Variants in PKD1L3 observed in about 807,000 individuals in gnomAD.
PKD1L3 encodes the protein polycystin 1 like 3, transient receptor potential channel interacting.
In PKD1L3, 239 loss-of-function variants were observed where a neutral mutation model predicts 184.1. The ratio of observed to expected loss-of-function variants is 1.30; its 90% CI spans 1.17 to 1.45. The LOEUF (loss-of-function observed/expected upper bound fraction) is 1.45, where lower values mean the gene tolerates loss of function less well. Among genes scored for constraint, PKD1L3 ranks in the 40% most tolerant of loss-of-function variants. PKD1L3 has a pLI of 0.00. For missense variants in PKD1L3, 2,660 were observed against 2,067.2 expected, an observed-to-expected ratio of 1.29 and a Z score of -5.56; for synonymous variants, 996 against 778.8, an observed-to-expected ratio of 1.28 and a Z score of -4.64.
chr16:71,947,012 T>C (rs1301907054), intron 22 of PKD1L3, among the ~76,000 whole-genome samples: 1 of 151,002 alleles, frequency 6.6e-6, no homozygotes, highest in Non-Finnish European at 1.5e-5. Flanking sequence ...ATCCCAGCAC[T>C]TGGGAGGCCG....
At chr16:71,994,566 A>T (rs1465755469) in intron 2 of PKD1L3, among the ~76,000 whole-genome samples, 1 of 152,156 alleles carries the variant, frequency 6.6e-6, no homozygotes, top group Non-Finnish European at 1.5e-5. Context: ...AAAAAAACCC[A>T]GCAACTTATA....
Position 71,967,892 on chromosome 16 carries a change from T to C in PKD1L3, c.2286+14A>G. 6.5e-7 allele frequency: 1 copy of C among 1,541,210 alleles called. No individual in the cohort carries two copies. The highest frequency in any genetic ancestry group is 1.2e-5 in the South Asian group (1 of 83,586). On this transcript the variant is annotated intron_variant, in intron 14 of 29. Transcript: ENST00000620267. ...AAGACACAAGGCAATGTGAAAAACA[T>C]TTATTTCATTAACCTTAGCTGTTGT...
chr16:71,934,633 GGTTTT>G (rs1311588399), intron 26 of PKD1L3, among the ~76,000 whole-genome samples: 2 of 152,182 alleles, frequency 1.3e-5, no homozygotes, highest in East Asian at 1.9e-4. Flanking sequence ...TTAGCAATTA[GGTTTT>G]GTTTTGAGAG....
intron 25 of PKD1L3, 88 bp from the exon 26 acceptor site, chr16:71,935,606 CTG>C (rs2038148527): frequency 1.6e-6 from 2 of 1,280,598 alleles, no homozygotes; most frequent in African/African-American, 1.5e-5. Context: ...CAGCTGATGT[CTG>C]TGGGCAAAGC....
chr16:71,999,738 A>T lies in PKD1L3; in HGVS notation c.241T>A (p.Trp81Arg). 2 of 1,551,524 alleles carry T rather than the reference A, an allele frequency of 1.3e-6. No homozygotes were observed. The highest frequency in any genetic ancestry group is 1.7e-6 in the Non-Finnish European group (2 of 1,146,876). The change falls in exon 1 of 30, where the codon TGG becomes AGG. Residue 81 changes from tryptophan to arginine, a missense_variant. By Grantham distance (101) the Trp-to-Arg change is moderately radical. Transcript: ENST00000620267. ...RDYLEEGKKWWIGQNVMPLKK... is the reference protein window; with the variant it reads ...RDYLEEGKKWRIGQNVMPLKK... ...AATGGCATTACATTTTGCCCAATCC[A>T]CCACTTCTTTCCTTCTTCCAGATAG... is the stretch of plus-strand genomic sequence containing the variant.
At position 71,935,526 on chromosome 16, in the gene PKD1L3, TAGAC is replaced by T. The variant is rs1156910623; in HGVS notation, c.4453-12_4453-9del. 1.5e-5 allele frequency: 23 copies of T among 1,551,360 alleles called. No homozygotes were observed. Among genetic ancestry groups the T allele is most frequent in the Non-Finnish European group, 1.8e-5 (21 of 1,146,648 alleles). Reference sequence around the variant, plus strand: ...CTGTTTCAGCTGACAACCCTAAACATAGACAGCACAGTCACTGTTGCTTGTCTGA... The same window carrying T: ...CTGTTTCAGCTGACAACCCTAAACATAGCACAGTCACTGTTGCTTGTCTGA... On this transcript the variant is annotated splice_polypyrimidine_tract_variant and intron_variant, in intron 25 of 29. Coordinates refer to ENST00000620267, the MANE Select transcript of PKD1L3 (RefSeq NM_181536.2).
chr16:71,950,339 C>T (rs2038783170), intron 19 of PKD1L3, 29 bp from the exon 20 acceptor site: 8 of 1,488,384 alleles, frequency 5.4e-6, no homozygotes, highest in Non-Finnish European at 7.2e-6. Flanking sequence ...TTGACACTTT[C>T]ACAAGTGGAT....
At chr16:71,962,259 T>C (rs549902042) in intron 16 of PKD1L3, among the ~76,000 whole-genome samples, 131 of 152,112 alleles carry the variant, frequency 8.6e-4, no homozygotes, top group African/African-American at 3.0e-3. Context: ...AATCATCTTG[T>C]TCCCATGAGG....
At chr16:71,962,002 G>A (rs1304984168) in intron 16 of PKD1L3, among the ~76,000 whole-genome samples, 1 of 152,164 alleles carries the variant, frequency 6.6e-6, no homozygotes, top group African/African-American at 2.4e-5. Flanking sequence ...TCGGCTCACT[G>A]CAACTTCCGC....
At chr16:71,996,253 CTTTTTTTTTTT>C (rs67457253) in intron 2 of PKD1L3, among the ~76,000 whole-genome samples, 1 of 67,862 alleles carries the variant, frequency 1.5e-5, no homozygotes, top group Admixed American at 2.2e-4. Flanking sequence ...CCTCCCCCGC[CTTTTTTTTTTT>C]TTTTTTTTTT....
At chr16:71,936,854 G>A (rs1313438467) in intron 25 of PKD1L3, among the ~76,000 whole-genome samples, 3 of 152,116 alleles carry the variant, frequency 2.0e-5, no homozygotes, top group African/African-American at 2.4e-5. Context: ...AACTACAAAA[G>A]TACTATTTCT....
chr16:71,968,312 A>G (rs952159420), intron 13 of PKD1L3, among the ~76,000 whole-genome samples: 1 of 152,222 alleles, frequency 6.6e-6, no homozygotes, highest in Non-Finnish European at 1.5e-5. Context: ...GATAACAGAG[A>G]ATACCCAGCT....
In PKD1L3 at chr16:71,951,708, T is replaced by A. The variant is rs2038842332; in HGVS notation, c.3046A>T (p.Asn1016Tyr). 1.3e-6 allele frequency: 2 copies of A among 1,551,500 alleles called. No homozygotes were observed. The highest frequency in any genetic ancestry group is 3.9e-5 in the Admixed American group (2 of 50,942). Residue 1016 changes from asparagine to tyrosine, a missense_variant, in exon 19 of 30, where the codon AAT (asparagine) becomes TAT (tyrosine). Transcript: ENST00000620267. ...TCACACTTGGAGAGTAGGTATGTAT[T>A]TCTCCTGAGCAGGAATCTCACAGTT... ...KETVRFLLRR[N>Y]TYLLSKCEQP...
Position 71,977,431 on chromosome 16 carries a change from G to A in PKD1L3, c.1564C>T (p.Pro522Ser), listed in dbSNP as rs975716366. ...TGTGTGCTCATGTTGAGGCTGGTGGGATGGGTTTCCAAGCTAACATTTCTC... is the reference window on the plus strand; with the variant it reads ...TGTGTGCTCATGTTGAGGCTGGTGGAATGGGTTTCCAAGCTAACATTTCTC... The part of the protein sequence containing the change: ...LWRNVSLETH[P>S]TSLNMSTHQL... The change falls in exon 11 of 30, where the codon CCC (proline) becomes TCC (serine). Residue 522 changes from proline to serine, a missense_variant. Coordinates refer to ENST00000620267, the MANE Select transcript of PKD1L3 (RefSeq NM_181536.2). The A allele has an allele frequency of 6.4e-7, 1 of 1,551,478 alleles. No individual in the cohort carries two copies. Among genetic ancestry groups the A allele is most frequent in the Non-Finnish European group, 8.7e-7 (1 of 1,146,818 alleles).
chr16:71,956,667 G>C (rs146858870), intron 16 of PKD1L3, among the ~76,000 whole-genome samples: 1 of 152,242 alleles, frequency 6.6e-6, no homozygotes, highest in East Asian at 1.9e-4. Context: ...GGGTTGGAAG[G>C]GGGAGGGAAC....
chr16:71,962,007 T>C (rs1304490281), intron 16 of PKD1L3, among the ~76,000 whole-genome samples: 1 of 152,156 alleles, frequency 6.6e-6, no homozygotes, highest in Non-Finnish European at 1.5e-5. Flanking sequence ...TCACTGCAAC[T>C]TCCGCTTCCT....
chr16:71,960,715 C>A (rs2039244866), intron 16 of PKD1L3, among the ~76,000 whole-genome samples: 1 of 152,116 alleles, frequency 6.6e-6, no homozygotes, highest in African/African-American at 2.4e-5. Context: ...AATCACATTT[C>A]TGCAACAAAA....
At position 71,954,279 on chromosome 16, in the gene PKD1L3, C is replaced by CAAT; in HGVS notation, c.2632_2634dup (p.Ile878dup). The CAAT allele has an allele frequency of 6.5e-7, 1 of 1,543,862 alleles. No individual in the cohort carries two copies. The highest frequency in any genetic ancestry group is 2.0e-5 in the Admixed American group (1 of 48,896). ...AGATAATCCTGGGTGAACTTTTCCACAATCATGGAGGAAAACAGATGTCTG... is the reference window on the plus strand; with the variant it reads ...AGATAATCCTGGGTGAACTTTTCCACAATAATCATGGAGGAAAACAGATGTCTG... On this transcript the variant is annotated inframe_insertion, in exon 17 of 30. Transcript: ENST00000620267.
intron 15 of PKD1L3, among the ~76,000 whole-genome samples, chr16:71,964,571 C>T (rs949865986): frequency 6.6e-6 from 1 of 151,650 alleles, no homozygotes; most frequent in East Asian, 1.9e-4. Flanking sequence ...GATCTCCTGA[C>T]CTCGTGATCT....
Sources: allele counts gnomAD v4.1 joint callset (sites outside exome capture counted in the v4.1 genomes callset), GRCh38; gene constraint gnomAD v4.1.1; transcripts MANE v1.5; gene names NCBI Gene and HGNC (gene_info 2026-07-23, HGNC 2026-07-21).